The following HSD17B12 variants were observed in gnomAD, a reference collection of about 807,000 sequenced individuals.
HSD17B12 encodes hydroxysteroid 17-beta dehydrogenase 12.
In HSD17B12, 32 loss-of-function variants were observed where a neutral mutation model predicts 39.3. The observed-to-expected ratio is 0.81, with a 90% CI of 0.61 to 1.09. The LOEUF (loss-of-function observed/expected upper bound fraction) is 1.09, where lower values mean the gene tolerates loss of function less well. Among genes scored for constraint, HSD17B12 ranks in the 50% least tolerant of loss-of-function variants. The pLI is 0.00. For synonymous variants in HSD17B12, 150 were observed against 146.7 expected, an observed-to-expected ratio of 1.02 and a Z score of -0.16; for missense variants, 342 against 382.9, an observed-to-expected ratio of 0.89 and a Z score of 0.89.
chr11:43,635,059 G>A, the HSD17B12 span, among the ~76,000 whole-genome samples: 13 of 152,054 alleles, frequency 8.5e-5, no homozygotes, highest in African/African-American at 3.1e-4. Context: ...TTCCTTTAAA[G>A]TTATCTCAGC....
chr11:43,631,573 G>GTC, the HSD17B12 span, among the ~76,000 whole-genome samples: 44 of 147,386 alleles, frequency 3.0e-4, no homozygotes, highest in Admixed American at 1.2e-3. Flanking sequence ...CTCTCTGCCT[G>GTC]TCTCTCTCTC....
chr11:43,609,897 A>G, the HSD17B12 span, among the ~76,000 whole-genome samples: 1 of 152,234 alleles, frequency 6.6e-6, no homozygotes, highest in Non-Finnish European at 1.5e-5. Context: ...ACTTTGAGAT[A>G]GACTTAGAGT....
At chr11:43,581,081 A>G in the HSD17B12 span, among the ~76,000 whole-genome samples, 1 of 152,130 alleles carries the variant, frequency 6.6e-6, no homozygotes, top group Non-Finnish European at 1.5e-5. This position sits in a 1 kb window ranked among gnomAD's most constrained non-coding sequence, Gnocchi z 4.9. Context: ...ATAGAGGGAT[A>G]GGACAGGCAG....
the HSD17B12 span, chr11:43,645,699 C>G: frequency 6.6e-6 from 1 of 152,222 alleles, no homozygotes. Context: ...AGTAATGGGG[C>G]CGGGCATGGT....
the HSD17B12 span, among the ~76,000 whole-genome samples, chr11:43,581,875 A>T: frequency 2.6e-5 from 4 of 152,240 alleles, no homozygotes; most frequent in African/African-American, 7.2e-5. The surrounding 1 kb of genome is among the most constrained non-coding windows in gnomAD (Gnocchi z 4.9). Flanking sequence ...AACCTGGAAT[A>T]TGAATCAGTT....
intron 4 of HSD17B12, among the ~76,000 whole-genome samples, chr11:43,802,546 C>A (rs556898579): frequency 8.5e-5 from 13 of 152,138 alleles, no homozygotes; most frequent in Non-Finnish European, 1.6e-4. Context: ...TTGGCCATCT[C>A]TCAACCTCAG....
chr11:43,667,161 T>A, the HSD17B12 span, among the ~76,000 whole-genome samples: 4,809 of 152,328 alleles, frequency 0.032, 98 homozygotes, highest in Non-Finnish European at 0.046. Context: ...ATTTATTTTT[T>A]ATTTTTTTGA....
chr11:43,793,879 T>A (rs1950892180), intron 3 of HSD17B12, among the ~76,000 whole-genome samples: 1 of 152,366 alleles, frequency 6.6e-6, no homozygotes, highest in Non-Finnish European at 1.5e-5. Context: ...TTATAAATAA[T>A]ATTTGCTTTC....
the HSD17B12 span, among the ~76,000 whole-genome samples, chr11:43,558,939 T>G: frequency 6.6e-6 from 1 of 151,876 alleles, no homozygotes; most frequent in Admixed American, 6.6e-5. Context: ...AAGTGAAATG[T>G]TGGTATAGAC....
the HSD17B12 span, among the ~76,000 whole-genome samples, chr11:43,627,382 T>C: frequency 1.3e-5 from 2 of 151,884 alleles, no homozygotes; most frequent in South Asian, 2.1e-4. Flanking sequence ...AAAACTAAAA[T>C]GGCATTTACT....
chr11:43,561,029 A>G, the HSD17B12 span, among the ~76,000 whole-genome samples: 1 of 152,158 alleles, frequency 6.6e-6, no homozygotes, highest in Non-Finnish European at 1.5e-5. Context: ...ACGCTATCAC[A>G]GCTTTGAGGG....
At chr11:43,656,348 C>G in the HSD17B12 span, among the ~76,000 whole-genome samples, 4 of 152,172 alleles carry the variant, frequency 2.6e-5, no homozygotes, top group Admixed American at 2.6e-4. Flanking sequence ...TTTCAAAAAA[C>G]CAGCCCCTGG....
At chr11:43,840,198 G>A (rs10734518) in intron 9 of HSD17B12, 134 bp downstream of exon 9, 415,698 of 625,354 alleles carry the variant, frequency 0.66, 140,123 homozygotes, top group East Asian at 0.74. Context: ...CATTAAAAAC[G>A]TGGTTTCTTT....
chr11:43,737,397 C>T (rs182469664), intron 1 of HSD17B12, among the ~76,000 whole-genome samples: 46 of 152,256 alleles, frequency 3.0e-4, no homozygotes, highest in Non-Finnish European at 4.9e-4. Flanking sequence ...GGAAGTGGAG[C>T]CCTGGTCAGT....
chr11:43,820,821 CT>C (rs1230755198), intron 6 of HSD17B12, among the ~76,000 whole-genome samples: 2 of 152,216 alleles, frequency 1.3e-5, no homozygotes, highest in Non-Finnish European at 2.9e-5. Flanking sequence ...GAGATGTTTG[CT>C]GAGAAGGACC....
At chr11:43,573,458 G>C in the HSD17B12 span, among the ~76,000 whole-genome samples, 1 of 152,108 alleles carries the variant, frequency 6.6e-6, no homozygotes, top group Non-Finnish European at 1.5e-5. Context: ...CCCTCTTCTG[G>C]GAGGGAGGAG....
chr11:43,733,887 T>G (rs1950291801), intron 1 of HSD17B12: 9 of 682,308 alleles, frequency 1.3e-5, no homozygotes, highest in South Asian at 1.0e-4. Flanking sequence ...ACCAATTCCA[T>G]GGAGTACAGG....
At chr11:43,773,777 G>A (rs1023421577) in intron 3 of HSD17B12, among the ~76,000 whole-genome samples, 5 of 152,030 alleles carry the variant, frequency 3.3e-5, no homozygotes, top group Non-Finnish European at 5.9e-5. Context: ...AGTTTTTGTT[G>A]TATATACCAC....
At chr11:43,687,162 T>A (rs1262777175) in intron 1 of HSD17B12, among the ~76,000 whole-genome samples, 1 of 152,222 alleles carries the variant, frequency 6.6e-6, no homozygotes, top group Non-Finnish European at 1.5e-5. Context: ...CAGTGCATCC[T>A]TTATTTCATT....
Sources: gnomAD v4.1 joint callset for allele counts (sites outside exome capture counted in the v4.1 genomes callset) on GRCh38, gnomAD v4.1.1 for gene constraint, Gnocchi (gnomAD v3.1) non-coding constraint, MANE v1.5 for transcripts, NCBI Gene and HGNC (gene_info 2026-07-23, HGNC 2026-07-21) for gene names.